Variants in SLC1A3 observed in about 807,000 individuals in gnomAD.
SLC1A3 encodes the protein excitatory amino acid transporter 1.
A neutral mutation model predicts 48.1 loss-of-function variants in SLC1A3; 21 were observed. The ratio of observed to expected loss-of-function variants is 0.44; its 90% confidence interval spans 0.31 to 0.63. The LOEUF is 0.63. Among genes scored for constraint, SLC1A3 ranks in the 20% least tolerant of loss-of-function variants. The pLI is 0.08. For synonymous variants in SLC1A3, 239 were observed against 251.4 expected (o/e 0.95, Z 0.47); for missense variants, 546 against 689.0 (o/e 0.79, Z 2.32).
intron 1 of SLC1A3, chr5:36,607,121 C>T (rs1738982088): frequency 6.6e-6 from 1 of 152,042 alleles, no homozygotes; most frequent in Non-Finnish European, 1.5e-5. Flanking sequence ...AAGTCTTAAA[C>T]AAATTAGAAG....
chr5:36,616,488 C>T (rs145992447), intron 2 of SLC1A3, among the ~76,000 whole-genome samples: 14 of 152,190 alleles, frequency 9.2e-5, no homozygotes, highest in East Asian at 1.9e-4. Flanking sequence ...AATTTCAAGA[C>T]GGGGTTTCTG....
At chr5:36,622,026 C>T (rs548798560) in intron 2 of SLC1A3, among the ~76,000 whole-genome samples, 1 of 152,308 alleles carries the variant, frequency 6.6e-6, no homozygotes, top group African/African-American at 2.4e-5. Flanking sequence ...ATTTGTGTCA[C>T]GTAAAACCAG....
intron 2 of SLC1A3, among the ~76,000 whole-genome samples, chr5:36,617,191 G>T (rs1338315921): frequency 6.6e-6 from 1 of 152,036 alleles, no homozygotes; most frequent in Non-Finnish European, 1.5e-5. Context: ...AAAGCGGTTT[G>T]GTCAGAAAGT....
intron 3 of SLC1A3, among the ~76,000 whole-genome samples, chr5:36,645,024 A>G (rs1463507400): frequency 6.6e-6 from 1 of 152,252 alleles, no homozygotes; most frequent in East Asian, 1.9e-4. Context: ...AAGCTGCTTC[A>G]GTCTCAGGCT....
intron 3 of SLC1A3, among the ~76,000 whole-genome samples, chr5:36,651,657 C>T (rs1051605925): frequency 3.3e-5 from 5 of 151,366 alleles, no homozygotes; most frequent in Non-Finnish European, 7.4e-5. Context: ...TCACTTTCTC[C>T]AGGAAACATC....
intron 2 of SLC1A3, among the ~76,000 whole-genome samples, chr5:36,623,799 G>C (rs991403439): frequency 2.6e-5 from 4 of 151,064 alleles, no homozygotes; most frequent in Non-Finnish European, 5.9e-5. Context: ...AGAGGCAGAG[G>C]TTGCAGTGAG....
At chr5:36,635,210 T>C (rs958139085) in intron 3 of SLC1A3, among the ~76,000 whole-genome samples, 2 of 151,708 alleles carry the variant, frequency 1.3e-5, no homozygotes, top group African/African-American at 4.8e-5. Context: ...CAGGGAGGAA[T>C]TTCTTTAGGC....
chr5:36,616,867 C>G (rs1579952578), intron 2 of SLC1A3, among the ~76,000 whole-genome samples: 1 of 152,096 alleles, frequency 6.6e-6, no homozygotes, highest in South Asian at 2.1e-4. Flanking sequence ...GAGAAACTCC[C>G]TGTGAAAAAA....
chr5:36,630,729 T>C (rs746374706), intron 3 of SLC1A3, among the ~76,000 whole-genome samples: 6 of 152,212 alleles, frequency 3.9e-5, no homozygotes, highest in Non-Finnish European at 8.8e-5. Context: ...GGCTATTACT[T>C]AGACAGGAAC....
Position 36,597,391 on chromosome 5 carries a change from A to C in SLC1A3, c.-96+713A>C, listed in dbSNP as rs1232169281. Among the ~76,000 whole-genome samples, 207 of 151,136 alleles carry C rather than the reference A, an allele frequency of 1.4e-3. 1 individual carries two copies. The highest frequency in any genetic ancestry group is 3.4e-3 in the Middle Eastern group (1 of 290). ...CCTCCCCAGCAGCTGGGACAGGGGC[A>C]CGCCGCCACGCCCGGCTAGTTTTTG... is the stretch of plus-strand genomic sequence containing the variant. On this transcript the variant is annotated intron_variant, in intron 1 of 9. Coordinates refer to the SLC1A3 transcript ENST00000680318.
intron 3 of SLC1A3, among the ~76,000 whole-genome samples, chr5:36,656,402 C>T (rs1741286725): frequency 6.6e-6 from 1 of 152,164 alleles, no homozygotes; most frequent in South Asian, 2.1e-4. Flanking sequence ...TAGATTAGTA[C>T]TGGATCAGTT....
chr5:36,638,431 A>T (rs573126066), intron 3 of SLC1A3, among the ~76,000 whole-genome samples: 1 of 152,230 alleles, frequency 6.6e-6, no homozygotes, highest in South Asian at 2.1e-4. Context: ...CCCTAGCTCC[A>T]TCAGAATTCT....
At chr5:36,649,374 C>G (rs1179156376) in intron 3 of SLC1A3, 2 of 149,940 alleles carry the variant, frequency 1.3e-5, no homozygotes, top group Non-Finnish European at 3.0e-5. Context: ...AAAAGATTCT[C>G]TATCTCTATT....
intron 3 of SLC1A3, among the ~76,000 whole-genome samples, chr5:36,656,074 A>G (rs1294672496): frequency 1.3e-5 from 2 of 152,240 alleles, no homozygotes; most frequent in Non-Finnish European, 1.5e-5. Flanking sequence ...TAAAGTACTA[A>G]AATCCTAATC....
intron 2 of SLC1A3, chr5:36,609,364 T>A (rs1304956125): frequency 1.6e-6 from 1 of 617,270 alleles, no homozygotes; most frequent in Non-Finnish European, 2.0e-6. Context: ...AAAACCTACT[T>A]ATTTGGAATT....
At chr5:36,647,218 T>C (rs950351496) in intron 3 of SLC1A3, among the ~76,000 whole-genome samples, 2 of 152,238 alleles carry the variant, frequency 1.3e-5, no homozygotes, top group Admixed American at 1.3e-4. Context: ...AATTTGGTCA[T>C]TTGCCTCTTA....
intron 3 of SLC1A3, chr5:36,670,711 A>T (rs899600760): frequency 2.4e-6 from 1 of 419,136 alleles, no homozygotes; most frequent in Admixed American, 3.5e-5. Flanking sequence ...TTCCCCAACT[A>T]ACAGTAACCT....
At chr5:36,609,247 G>A in intron 2 of SLC1A3, 1 of 948,954 alleles carries the variant, frequency 1.1e-6, no homozygotes, top group Non-Finnish European at 1.3e-6. Flanking sequence ...AGGGTTGACA[G>A]CAATCTGTAC....
intron 3 of SLC1A3, among the ~76,000 whole-genome samples, chr5:36,652,426 T>G (rs1411361063): frequency 6.6e-6 from 1 of 152,194 alleles, no homozygotes; most frequent in East Asian, 1.9e-4. Context: ...TACAGCAGAA[T>G]AGCTGGCTGT....
Sources: allele counts gnomAD v4.1 joint callset (sites outside exome capture counted in the v4.1 genomes callset), GRCh38; gene constraint gnomAD v4.1.1; transcripts MANE v1.5; gene names NCBI Gene and HGNC (gene_info 2026-07-23, HGNC 2026-07-21).